ELK3: variants seen among roughly 807,000 people sequenced by gnomAD.
The protein encoded by ELK3 is ETS domain-containing protein Elk-3.
ELK3 carries 10 observed loss-of-function variants against 28.9 expected under a neutral mutation model. That is an observed-to-expected ratio of 0.35 (90% CI 0.21 to 0.59). The LOEUF (loss-of-function observed/expected upper bound fraction) is 0.59. Among genes scored for constraint, ELK3 ranks in the 20% least tolerant of loss-of-function variants. The pLI is 0.82. For missense variants in ELK3, 463 were observed against 517.3 expected (o/e 0.90, Z 1.02); for synonymous variants, 272 against 243.5 (o/e 1.12, Z -1.09).
intron 1 of ELK3, among the ~76,000 whole-genome samples, chr12:96,200,386 T>C (rs1182470495): frequency 2.0e-5 from 3 of 152,172 alleles, no homozygotes; most frequent in Non-Finnish European, 4.4e-5. Flanking sequence ...TCTCTCTTTT[T>C]TTTAAGTTGA....
chr12:96,229,264 G>A (rs1418670646), intron 2 of ELK3, among the ~76,000 whole-genome samples: 1 of 152,224 alleles, frequency 6.6e-6, no homozygotes, highest in East Asian at 1.9e-4. Context: ...TCCTAGGGCT[G>A]CCAGGTCAGA....
At chr12:96,262,311 G>T (rs1324670420) in intron 4 of ELK3, among the ~76,000 whole-genome samples, 1 of 152,134 alleles carries the variant, frequency 6.6e-6, no homozygotes, top group East Asian at 1.9e-4. Flanking sequence ...AAGCCACCGT[G>T]CCTGGCCCAA....
intron 1 of ELK3, among the ~76,000 whole-genome samples, chr12:96,215,502 G>T (rs373027176): frequency 6.6e-6 from 1 of 152,074 alleles, no homozygotes; most frequent in Admixed American, 6.5e-5. Context: ...AGGCGGAGGC[G>T]GGCACAGCGT....
At chr12:96,203,564 T>A (rs1951520059) in intron 1 of ELK3, among the ~76,000 whole-genome samples, 1 of 152,240 alleles carries the variant, frequency 6.6e-6, no homozygotes. Flanking sequence ...TTGGACTTGA[T>A]AAAGCCGTTT....
chr12:96,225,202 C>T (rs1019829800), intron 2 of ELK3, among the ~76,000 whole-genome samples: 42 of 152,362 alleles, frequency 2.8e-4, no homozygotes, highest in African/African-American at 8.7e-4. Flanking sequence ...TGCCTGCTGG[C>T]AGAGTGCCTA....
intron 4 of ELK3, among the ~76,000 whole-genome samples, chr12:96,262,548 G>GCTGA (rs1381606651): frequency 3.9e-5 from 6 of 152,038 alleles, no homozygotes; most frequent in African/African-American, 1.2e-4. Context: ...ATTCCGGATG[G>GCTGA]CTGACAGGTT....
intron 2 of ELK3, among the ~76,000 whole-genome samples, chr12:96,243,177 C>G (rs1351985042): frequency 6.6e-6 from 1 of 152,176 alleles, no homozygotes; most frequent in Non-Finnish European, 1.5e-5. Context: ...AGATAAAATT[C>G]ACATACCATA....
intron 2 of ELK3, among the ~76,000 whole-genome samples, chr12:96,234,087 G>A: frequency 6.6e-6 from 1 of 152,230 alleles, no homozygotes; most frequent in East Asian, 1.9e-4. Flanking sequence ...TGGTCACATT[G>A]TGCCGGGAGA....
chr12:96,244,216 C>A (rs1022591905), intron 2 of ELK3, among the ~76,000 whole-genome samples: 12 of 152,076 alleles, frequency 7.9e-5, no homozygotes, highest in Non-Finnish European at 1.8e-4. Context: ...GGACACCCCA[C>A]ATTTCATTTA....
chr12:96,264,434 A>G (rs1464455477), intron 4 of ELK3, among the ~76,000 whole-genome samples: 1 of 152,212 alleles, frequency 6.6e-6, no homozygotes, highest in African/African-American at 2.4e-5. Context: ...GGTATTGAAA[A>G]TTAAGTAGAA....
chr12:96,211,209 A>G (rs1040446072), intron 1 of ELK3, among the ~76,000 whole-genome samples: 1 of 152,228 alleles, frequency 6.6e-6, no homozygotes, highest in Admixed American at 6.5e-5. Context: ...CTCCTATTTA[A>G]TAAAGTAATG....
rs145119106 is a variant in ELK3, at chr12:96,251,027, T to C, written c.1002+3293T>C. ...TTTATTACGTTTCACAATTAATTGG[T>C]GGTTTTTACAAATCGAAGGTTTGTG... On this transcript the variant is annotated intron_variant, in intron 3 of 4. Coordinates refer to ENST00000228741, the MANE Select transcript of ELK3 (RefSeq NM_005230.4). 2.8e-3 allele frequency among the ~76,000 whole-genome samples: 427 copies of C among 152,330 alleles called. 3 individuals carry two copies. The highest frequency in any genetic ancestry group is 9.8e-3 in the African/African-American group (406 of 41,572).
intron 1 of ELK3, among the ~76,000 whole-genome samples, chr12:96,196,682 CT>C (rs971578238): frequency 6.8e-6 from 1 of 147,676 alleles, no homozygotes; most frequent in Non-Finnish European, 1.5e-5. Context: ...AGAAACCCCC[CT>C]GAGTTTGAAA....
In ELK3 at chr12:96,247,821, C is replaced by T; in HGVS notation, c.1002+87C>T. 2.2e-6 allele frequency: 3 copies of T among 1,389,486 alleles called. No homozygotes were observed. Among genetic ancestry groups the T allele is most frequent in the South Asian group, 1.5e-5 (1 of 66,450 alleles). The allele number at this position is 1,389,486 out of a possible 1,614,324, so 86.1% of individuals were successfully genotyped here. ...AGCAACTAAAGAGACTTCCTTCTGTCCCTCAAAACGTTGTCCTATGACTCG... is the reference window on the plus strand; with the variant it reads ...AGCAACTAAAGAGACTTCCTTCTGTTCCTCAAAACGTTGTCCTATGACTCG... On this transcript the variant is annotated intron_variant, in intron 3 of 4. Transcript: ENST00000228741. This position sits in a 1 kb window ranked among gnomAD's most constrained non-coding sequence, Gnocchi z 5.5.
chr12:96,231,740 T>C (rs936171013), intron 2 of ELK3, among the ~76,000 whole-genome samples: 2 of 152,162 alleles, frequency 1.3e-5, no homozygotes, highest in Non-Finnish European at 2.9e-5. Flanking sequence ...CGCCTCGGCC[T>C]CCCAAAGCGC....
At chr12:96,245,405 T>C (rs1951848748) in intron 2 of ELK3, among the ~76,000 whole-genome samples, 1 of 152,054 alleles carries the variant, frequency 6.6e-6, no homozygotes, top group African/African-American at 2.4e-5. Flanking sequence ...GGCAAATGAC[T>C]CTCCATCCCT....
chr12:96,207,510 A>G (rs1457697390), intron 1 of ELK3, among the ~76,000 whole-genome samples: 1 of 152,264 alleles, frequency 6.6e-6, no homozygotes, highest in Non-Finnish European at 1.5e-5. Flanking sequence ...AGATTTATGT[A>G]TAAATGTTTA....
intron 2 of ELK3, among the ~76,000 whole-genome samples, chr12:96,239,680 A>AACAG (rs1196968402): frequency 2.0e-5 from 3 of 152,190 alleles, no homozygotes; most frequent in African/African-American, 7.2e-5. Context: ...TCAGCACCTG[A>AACAG]ACAGGTTCCT....
intron 2 of ELK3, among the ~76,000 whole-genome samples, chr12:96,239,514 T>C (rs1324441289): frequency 1.3e-5 from 2 of 152,200 alleles, no homozygotes; most frequent in Non-Finnish European, 2.9e-5. Context: ...ACAGTGCCCA[T>C]CCTGCAAGGC....
Sources: gnomAD v4.1 joint callset for allele counts (sites outside exome capture counted in the v4.1 genomes callset) on GRCh38, gnomAD v4.1.1 for gene constraint, Gnocchi (gnomAD v3.1) non-coding constraint, MANE v1.5 for transcripts, NCBI Gene and HGNC (gene_info 2026-07-23, HGNC 2026-07-21) for gene names.